The following ATP9B variants were observed in gnomAD, a reference collection of about 807,000 sequenced individuals.
ATP9B encodes ATPase phospholipid transporting 9B.
ATP9B carries 110 observed loss-of-function variants against 146.1 expected under a neutral mutation model. The observed-to-expected ratio is 0.75, with a 90% CI of 0.65 to 0.88. ATP9B has a LOEUF of 0.88. ATP9B is among the 40% of genes least tolerant of loss of function. The pLI is 0.00. For synonymous variants in ATP9B, 604 were observed against 569.7 expected (o/e 1.06, Z -0.86); for missense variants, 1,499 against 1,496.4 (o/e 1.00, Z -0.03).
At chr18:79,085,574 T>A (rs1354214974) in intron 1 of ATP9B, 6 of 152,246 alleles carry the variant, frequency 3.9e-5, no homozygotes, top group African/African-American at 1.4e-4. Flanking sequence ...TGTTGATATC[T>A]GGGTGAAAAT....
chr18:79,352,252 C>G (rs1272103450), intron 25 of ATP9B, among the ~76,000 whole-genome samples: 1 of 152,118 alleles, frequency 6.6e-6, no homozygotes. Flanking sequence ...TGAGTGCTCT[C>G]GTTAAAGTCA....
At chr18:79,371,937 C>T (rs1272198904) in intron 26 of ATP9B, among the ~76,000 whole-genome samples, 5 of 152,266 alleles carry the variant, frequency 3.3e-5, no homozygotes, top group African/African-American at 4.8e-5. Context: ...AATCACGGAA[C>T]TTCTCGAGTC....
intron 5 of ATP9B, among the ~76,000 whole-genome samples, chr18:79,142,577 C>A (rs1208324430): frequency 6.6e-6 from 1 of 152,030 alleles, no homozygotes; most frequent in East Asian, 1.9e-4. Flanking sequence ...GGGGAGGAGG[C>A]CTGAAGCTCC....
At chr18:79,345,862 A>G (rs1351624110) in intron 23 of ATP9B, 23 bp downstream of exon 23, 1 of 1,613,176 alleles carries the variant, frequency 6.2e-7, no homozygotes, top group East Asian at 2.2e-5. Context: ...TTTTATCAAC[A>G]CATTAGCACA....
intron 15 of ATP9B, among the ~76,000 whole-genome samples, chr18:79,321,789 G>T (rs1295548362): frequency 6.6e-6 from 1 of 152,178 alleles, no homozygotes. Context: ...GTGAAACCAA[G>T]CATAAACTAA....
intron 2 of ATP9B, among the ~76,000 whole-genome samples, chr18:79,098,795 T>A (rs1286163665): frequency 6.6e-6 from 1 of 152,216 alleles, no homozygotes; most frequent in Non-Finnish European, 1.5e-5. Context: ...TGGTCACATG[T>A]CACATTTAGG....
intron 15 of ATP9B, among the ~76,000 whole-genome samples, 186 bp from the exon 16 acceptor site, chr18:79,328,955 A>G (rs549983904): frequency 9.8e-5 from 15 of 152,354 alleles, no homozygotes; most frequent in African/African-American, 3.6e-4. Context: ...GATATTGCTT[A>G]GGATTCCTCT....
chr18:79,262,737 C>T (rs2096156608), intron 12 of ATP9B, among the ~76,000 whole-genome samples: 1 of 152,174 alleles, frequency 6.6e-6, no homozygotes, highest in Non-Finnish European at 1.5e-5. Flanking sequence ...CCTGAGGGTC[C>T]AGCGTGGCTG....
intron 5 of ATP9B, among the ~76,000 whole-genome samples, chr18:79,135,810 G>T (rs2094440605): frequency 1.3e-5 from 2 of 152,080 alleles, no homozygotes; most frequent in Non-Finnish European, 2.9e-5. Flanking sequence ...TATCCATTTT[G>T]AGTCTATTTT....
intron 11 of ATP9B, among the ~76,000 whole-genome samples, chr18:79,228,723 A>G (rs1190421923): frequency 2.6e-5 from 4 of 152,180 alleles, no homozygotes; most frequent in Non-Finnish European, 5.9e-5. Flanking sequence ...GTAACCTCAA[A>G]GTTAATGAAC....
intron 19 of ATP9B, among the ~76,000 whole-genome samples, chr18:79,341,876 G>T (rs1187753737): frequency 6.6e-6 from 1 of 152,206 alleles, no homozygotes; most frequent in African/African-American, 2.4e-5. Context: ...TTCCAGAACT[G>T]TTCCATCCTC....
At chr18:79,371,593 C>G (rs2097070928) in intron 26 of ATP9B, among the ~76,000 whole-genome samples, 1 of 152,218 alleles carries the variant, frequency 6.6e-6, no homozygotes, top group African/African-American at 2.4e-5. Context: ...CACTGGTGGC[C>G]TCCTGCAGGA....
At position 79,347,861 on chromosome 18, in the gene ATP9B, A is replaced by G; in HGVS notation, c.2774A>G (p.Tyr925Cys). ...CTCATGGTGCACGGGCGGAACAGCTACAAGAGGTCGGCGGCACTCGGCCAG... is the reference window on the plus strand; with the variant it reads ...CTCATGGTGCACGGGCGGAACAGCTGCAAGAGGTCGGCGGCACTCGGCCAG... ...RLLMVHGRNS[Y>C]KRSAALGQFV... The change falls in exon 24 of 30, where the codon TAC becomes TGC. Residue 925 changes from tyrosine to cysteine, a missense_variant. Coordinates refer to ENST00000426216, the MANE Select transcript of ATP9B (RefSeq NM_198531.5). 1 of 1,613,994 alleles carries G rather than the reference A, an allele frequency of 6.2e-7. No homozygotes were observed. The highest frequency in any genetic ancestry group is 2.2e-5 in the East Asian group (1 of 44,876).
intron 11 of ATP9B, among the ~76,000 whole-genome samples, chr18:79,232,414 A>C (rs1241447720): frequency 6.6e-6 from 1 of 152,238 alleles, no homozygotes; most frequent in East Asian, 1.9e-4. Flanking sequence ...TCAGGGGCAT[A>C]GGCAAAACCA....
chr18:79,171,560 C>G (rs1018007323), intron 7 of ATP9B, among the ~76,000 whole-genome samples: 1 of 152,166 alleles, frequency 6.6e-6, no homozygotes, highest in African/African-American at 2.4e-5. Context: ...TGTCCCTTCA[C>G]CGAGATTCCT....
At chr18:79,297,711 TGTTTA>T (rs1182318214) in intron 13 of ATP9B, among the ~76,000 whole-genome samples, 6 of 152,252 alleles carry the variant, frequency 3.9e-5, no homozygotes, top group African/African-American at 1.4e-4. Flanking sequence ...CATTATATTA[TGTTTA>T]GTTTAAGGAG....
At chr18:79,072,700 C>A (rs1461999686) in intron 1 of ATP9B, among the ~76,000 whole-genome samples, 1 of 132,156 alleles carries the variant, frequency 7.6e-6, no homozygotes, top group Non-Finnish European at 1.6e-5. Context: ...CGGGTGGGGG[C>A]GCCCCCCCAC....
At chr18:79,091,431 AT>A (rs1387271931) in intron 1 of ATP9B, among the ~76,000 whole-genome samples, 1 of 152,098 alleles carries the variant, frequency 6.6e-6, no homozygotes, top group African/African-American at 2.4e-5. Context: ...ATATTTTTTC[AT>A]TTTTTGGTAT....
intron 13 of ATP9B, among the ~76,000 whole-genome samples, chr18:79,285,572 G>A (rs1158590000): frequency 2.0e-5 from 3 of 152,014 alleles, no homozygotes; most frequent in Non-Finnish European, 2.9e-5. Context: ...TAGGTTGCCT[G>A]TTCACTCTGA....
Sources: gnomAD v4.1 joint callset for allele counts (sites outside exome capture counted in the v4.1 genomes callset) on GRCh38, gnomAD v4.1.1 for gene constraint, MANE v1.5 for transcripts, NCBI Gene and HGNC (gene_info 2026-07-23, HGNC 2026-07-21) for gene names.